Variants in PALM2AKAP2 observed in about 807,000 individuals in gnomAD.
PALM2AKAP2 encodes the protein PALM2 and AKAP2 fusion.
PALM2AKAP2 carries 37 observed loss-of-function variants against 71.5 expected under a neutral mutation model. The observed-to-expected ratio is 0.52, with a 90% confidence interval of 0.40 to 0.68. The LOEUF (loss-of-function observed/expected upper bound fraction) is 0.68. Among genes scored for constraint, PALM2AKAP2 ranks in the 30% least tolerant of loss-of-function variants. PALM2AKAP2 has a pLI of 0.00. For synonymous variants in PALM2AKAP2, 468 were observed against 478.8 expected, an observed-to-expected ratio of 0.98 and a Z score of 0.29; for missense variants, 1,224 against 1,191.8, an observed-to-expected ratio of 1.03 and a Z score of -0.40.
intron 1 of PALM2AKAP2, among the ~76,000 whole-genome samples, chr9:109,768,120 G>A (rs1564140587): frequency 2.7e-5 from 4 of 150,306 alleles, no homozygotes; most frequent in African/African-American, 9.8e-5. Context: ...AAGAAAGGAA[G>A]GAAAGAAAGA....
rs190584499 is a variant in PALM2AKAP2 at position 109,906,275 on chromosome 9, T to G, written c.258-17460T>G. On this transcript the variant is annotated intron_variant, in intron 3 of 9. Coordinates refer to the PALM2AKAP2 transcript ENST00000302798. The stretch of plus-strand genomic sequence containing the variant: ...GTGCAGTGGTGCAATCTCGGCTCAC[T>G]GCAACCTCCAACTCCTGGGTTCAAG... Among the ~76,000 whole-genome samples, 513 of 152,332 alleles carry G rather than the reference T, an allele frequency of 3.4e-3. 4 individuals carry two copies. The highest frequency in any genetic ancestry group is 0.012 in the African/African-American group (495 of 41,564).
chr9:110,140,179 A>G (rs142365797), intron 2 of PALM2AKAP2, among the ~76,000 whole-genome samples: 87 of 152,254 alleles, frequency 5.7e-4, no homozygotes, highest in African/African-American at 8.4e-4. Context: ...GTGATATTCA[A>G]TGGATTCCTG....
chr9:109,960,315 C>G (rs1053182637), intron 6 of PALM2AKAP2, among the ~76,000 whole-genome samples: 1 of 152,212 alleles, frequency 6.6e-6, no homozygotes, highest in South Asian at 2.1e-4. Flanking sequence ...CTCCTGCTGT[C>G]TTTACCATAC....
chr9:109,949,850 T>G (rs1831594354), intron 6 of PALM2AKAP2, among the ~76,000 whole-genome samples: 1 of 152,212 alleles, frequency 6.6e-6, no homozygotes, highest in East Asian at 1.9e-4. Flanking sequence ...GTCCAAATCT[T>G]TCACATATTT....
chr9:109,810,783 C>T (rs1390026989), intron 1 of PALM2AKAP2, among the ~76,000 whole-genome samples: 1 of 152,080 alleles, frequency 6.6e-6, no homozygotes, highest in Admixed American at 6.6e-5. Flanking sequence ...AGAGATGAGA[C>T]AACTGCTAGA....
At chr9:109,783,882 C>T (rs1826890128) in intron 1 of PALM2AKAP2, among the ~76,000 whole-genome samples, 1 of 152,236 alleles carries the variant, frequency 6.6e-6, no homozygotes, top group African/African-American at 2.4e-5. Flanking sequence ...ATGCTTGTCA[C>T]ATGAACATCT....
At chr9:109,853,556 T>G (rs972257311) in intron 1 of PALM2AKAP2, among the ~76,000 whole-genome samples, 6 of 152,214 alleles carry the variant, frequency 3.9e-5, no homozygotes, top group African/African-American at 1.2e-4. Flanking sequence ...GTTTAATACT[T>G]AAGTCTCTCT....
intron 1 of PALM2AKAP2, among the ~76,000 whole-genome samples, chr9:109,807,649 A>G (rs1827615885): frequency 6.6e-6 from 1 of 152,102 alleles, no homozygotes; most frequent in Non-Finnish European, 1.5e-5. Flanking sequence ...AAAAGGATGA[A>G]TTATTTAATC....
chr9:110,077,081 A>T (rs1162233119), intron 1 of PALM2AKAP2, among the ~76,000 whole-genome samples: 2 of 152,110 alleles, frequency 1.3e-5, no homozygotes, highest in African/African-American at 4.8e-5. Flanking sequence ...AGAGTTTTGG[A>T]ATCAATGTTC....
upstream of PALM2AKAP2, among the ~76,000 whole-genome samples, chr9:110,045,844 A>G (rs879614184): frequency 6.6e-6 from 1 of 152,188 alleles, no homozygotes; most frequent in African/African-American, 2.4e-5. Flanking sequence ...CTGGGATTAC[A>G]GGCATGAGCT....
At chr9:110,151,677 G>A (rs1836318136) in intron 2 of PALM2AKAP2, among the ~76,000 whole-genome samples, 1 of 152,190 alleles carries the variant, frequency 6.6e-6, no homozygotes, top group African/African-American at 2.4e-5. Context: ...AAAGGCTTAA[G>A]TCTAAAATTA....
At chr9:109,976,850 A>G (rs1832180452) in intron 6 of PALM2AKAP2, among the ~76,000 whole-genome samples, 1 of 152,216 alleles carries the variant, frequency 6.6e-6, no homozygotes, top group African/African-American at 2.4e-5. Flanking sequence ...TACAGATAGT[A>G]AGTGGCTGAG....
At chr9:110,048,903 TGAGGAAGGGGTGGCC>T (rs569280588) in intron 1 of PALM2AKAP2, 9 of 1,460,724 alleles carry the variant, frequency 6.2e-6, no homozygotes, top group Middle Eastern at 1.9e-4. Flanking sequence ...TCCTCGAGTG[TGAGGAAGGGGTGGCC>T]GAGGAAGGGG....
Position 110,168,474 on chromosome 9 carries a change from C to CA in PALM2AKAP2, c.2825dup (p.Glu943GlyfsTer83). The stretch of plus-strand genomic sequence containing the variant: ...CTGGGAAGCAGGGATCTATGCCAAC[C>CA]AGGAGGAAGAAGACAACGAATAAAC... On this transcript the variant is annotated frameshift_variant, in exon 4 of 4. Coordinates refer to ENST00000374525, the Ensembl canonical transcript of PALM2AKAP2. LOFTEE classifies it high-confidence loss of function. 6.2e-7 allele frequency: 1 copy of CA among 1,614,164 alleles called. No homozygotes were observed. The highest frequency in any genetic ancestry group is 8.5e-7 in the Non-Finnish European group (1 of 1,180,022).
At chr9:109,849,281 C>T (rs191894349) in intron 1 of PALM2AKAP2, among the ~76,000 whole-genome samples, 324 of 152,246 alleles carry the variant, frequency 2.1e-3, no homozygotes, top group Non-Finnish European at 3.5e-3. Context: ...CATTGGCATT[C>T]GTCAGTAAGT....
chr9:109,647,908 C>T (rs1174493028), intron 1 of PALM2AKAP2, among the ~76,000 whole-genome samples: 2 of 152,188 alleles, frequency 1.3e-5, no homozygotes, highest in Middle Eastern at 3.4e-3. Context: ...TGTCACTTAG[C>T]CCCCCTTTTA....
In PALM2AKAP2 at chr9:109,950,618, A is replaced by G. The variant is rs114109696; in HGVS notation, c.496+18590A>G. Among the ~76,000 whole-genome samples, 237 of 152,230 alleles carry G rather than the reference A, an allele frequency of 1.6e-3. 1 individual carries two copies. Among genetic ancestry groups the G allele is most frequent in the African/African-American group, 5.6e-3 (231 of 41,544 alleles). ...CTTCCTCAGGATGAGGCCTTTTTCT[A>G]CTACCCAAGAGATCAAGACCCTTTT... On this transcript the variant is annotated intron_variant, in intron 6 of 9. Coordinates refer to the PALM2AKAP2 transcript ENST00000302798.
intron 3 of PALM2AKAP2, among the ~76,000 whole-genome samples, chr9:109,889,518 T>C (rs1830039303): frequency 6.6e-6 from 1 of 152,144 alleles, no homozygotes; most frequent in Non-Finnish European, 1.5e-5. Flanking sequence ...TCCTACCCTC[T>C]CTCTGGTCCC....
At chr9:109,850,053 G>A (rs1828968508) in intron 1 of PALM2AKAP2, among the ~76,000 whole-genome samples, 1 of 152,128 alleles carries the variant, frequency 6.6e-6, no homozygotes, top group Admixed American at 6.6e-5. Context: ...GGGTTTCACG[G>A]GCCCTCAGTA....
Sources: gnomAD v4.1 joint callset for allele counts (sites outside exome capture counted in the v4.1 genomes callset) on GRCh38, gnomAD v4.1.1 for gene constraint, MANE v1.5 for transcripts, NCBI Gene and HGNC (gene_info 2026-07-23, HGNC 2026-07-21) for gene names.